The following MOSPD1 variants were observed in gnomAD, a reference collection of about 807,000 sequenced individuals.
MOSPD1 encodes the protein motile sperm domain-containing protein 1.
MOSPD1 carries 5 observed loss-of-function variants against 16.7 expected under a neutral mutation model. The observed-to-expected ratio is 0.30, with a 90% CI of 0.16 to 0.63. The LOEUF (loss-of-function observed/expected upper bound fraction) is 0.63, where lower values mean the gene tolerates loss of function less well. MOSPD1 is among the 30% of genes least tolerant of loss of function. MOSPD1 has a pLI of 0.82. For missense variants in MOSPD1, 104 were observed against 153.6 expected, an observed-to-expected ratio of 0.68 and a Z score of 1.71; for synonymous variants, 67 against 59.2, an observed-to-expected ratio of 1.13 and a Z score of -0.61.
At chrX:134,892,927 A>G (rs1361772820) in intron 4 of MOSPD1, among the ~76,000 whole-genome samples, 1 of 111,512 alleles carries the variant, frequency 9.0e-6, no homozygotes, top group East Asian at 2.8e-4. Flanking sequence ...AAATGTTATC[A>G]GACCTGCTAT....
chrX:134,899,054 C>A, intron 3 of MOSPD1, 36 bp downstream of exon 3: 1 of 1,054,455 alleles, frequency 9.5e-7, no homozygotes, highest in Non-Finnish European at 1.3e-6. Context: ...TATTAACACA[C>A]TTAAAACGTG....
intron 4 of MOSPD1, among the ~76,000 whole-genome samples, chrX:134,893,688 T>C (rs74827049): frequency 2.7e-5 from 3 of 111,343 alleles, no homozygotes; most frequent in Non-Finnish European, 3.8e-5. Context: ...ATACATACTG[T>C]TATATAACTG....
intron 1 of MOSPD1, among the ~76,000 whole-genome samples, chrX:134,905,918 A>C (rs2082939026): frequency 9.0e-6 from 1 of 111,724 alleles, no homozygotes; most frequent in Non-Finnish European, 1.9e-5. Flanking sequence ...CAAATGCTAA[A>C]CTCTTGGTTC....
intron 1 of MOSPD1, among the ~76,000 whole-genome samples, chrX:134,912,385 G>A (rs760032975): frequency 9.1e-6 from 1 of 110,393 alleles, no homozygotes; most frequent in South Asian, 4.0e-4. Flanking sequence ...GTTTTGCCAT[G>A]TTGGCCAGGC....
intron 3 of MOSPD1, among the ~76,000 whole-genome samples, chrX:134,898,382 T>C (rs1260645663): frequency 2.7e-5 from 3 of 112,197 alleles, no homozygotes; most frequent in African/African-American, 9.7e-5. Flanking sequence ...ATTTTATGGC[T>C]TTGAGCTGGT....
chrX:134,910,548 T>C (rs2082965745), intron 1 of MOSPD1, among the ~76,000 whole-genome samples: 1 of 111,884 alleles, frequency 8.9e-6, no homozygotes, highest in Admixed American at 9.6e-5. Flanking sequence ...AAAACAGATA[T>C]ACAGCAGTAA....
intron 1 of MOSPD1, among the ~76,000 whole-genome samples, chrX:134,907,694 G>A (rs2082950060): frequency 3.6e-5 from 4 of 112,415 alleles, no homozygotes; most frequent in African/African-American, 9.7e-5. Flanking sequence ...GCGAAACCCC[G>A]TCTCTACTAA....
Position 134,897,546 on chromosome X carries a change from TAAA to T in MOSPD1, c.231-515_231-513del, listed in dbSNP as rs1221758366. Among the ~76,000 whole-genome samples the T allele has an allele frequency of 6.2e-3, 360 of 57,895 alleles. 1 individual carries two copies. The highest frequency in any genetic ancestry group is 0.022 in the African/African-American group (331 of 14,742). 50.3% of individuals were successfully genotyped at this position (57,895 alleles called of 115,157 possible). A position where few individuals can be genotyped will look rare whatever the true frequency, so the allele number is the denominator to read the frequency against. Reference sequence around the variant, plus strand: ...GCAAGAGAGCAAGACTCTGTCTTATTAAAAAAAAAAAAAAAAAAAAAAGAAAGA... The same window carrying T: ...GCAAGAGAGCAAGACTCTGTCTTATTAAAAAAAAAAAAAAAAAAAGAAAGA... On this transcript the variant is annotated intron_variant, in intron 3 of 5. Transcript: ENST00000370783.
In MOSPD1 at chrX:134,899,079, T is replaced by C. The variant is rs747723561; in HGVS notation, c.230+11A>G. The C allele has an allele frequency of 9.4e-6, 11 of 1,169,160 alleles. No homozygotes were observed. Among genetic ancestry groups the C allele is most frequent in the Non-Finnish European group, 1.3e-5 (11 of 865,137 alleles). Reference sequence around the variant, plus strand: ...CTTAAAACGTGTTACCAGGAATTGATCTTGACTTACATATCCACACAACAC... The same window carrying C: ...CTTAAAACGTGTTACCAGGAATTGACCTTGACTTACATATCCACACAACAC... On this transcript the variant is annotated intron_variant, in intron 3 of 5. Transcript: ENST00000370783.
At chrX:134,901,854 TAAC>T (rs201786835) in intron 1 of MOSPD1, among the ~76,000 whole-genome samples, 2,849 of 112,030 alleles carry the variant, frequency 0.025, 95 homozygotes, top group African/African-American at 0.088. Flanking sequence ...TGAATGTAAT[TAAC>T]AACAGTGTCG....
intron 1 of MOSPD1, among the ~76,000 whole-genome samples, chrX:134,905,701 A>T (rs911107664): frequency 3.6e-5 from 4 of 112,293 alleles, no homozygotes; most frequent in Non-Finnish European, 7.5e-5. Context: ...TCCTCTAAAA[A>T]CATATTGAAA....
intron 5 of MOSPD1, among the ~76,000 whole-genome samples, chrX:134,890,826 A>G (rs1299972098): frequency 2.7e-5 from 3 of 111,511 alleles, no homozygotes; most frequent in Non-Finnish European, 5.6e-5. Flanking sequence ...ATAAATAAAT[A>G]AGAGAAAGCA....
chrX:134,896,798 A>G lies in MOSPD1; in HGVS notation c.448+19T>C. 1.7e-6 allele frequency: 2 copies of G among 1,180,936 alleles called. No homozygotes were observed. The highest frequency in any genetic ancestry group is 1.8e-5 in the South Asian group (1 of 55,875). ...ATGTGTAAGACCTCAAAAGGGCTTT[A>G]AAAACAACCCAAAACTACCTGGTTG... is the stretch of plus-strand genomic sequence containing the variant. On this transcript the variant is annotated intron_variant, in intron 4 of 5. Coordinates refer to ENST00000370783, the MANE Select transcript of MOSPD1 (RefSeq NM_019556.3).
chrX:134,897,187 A>G (rs759108828), intron 3 of MOSPD1, among the ~76,000 whole-genome samples, 153 bp from the exon 4 acceptor site: 12 of 112,054 alleles, frequency 1.1e-4, no homozygotes, highest in African/African-American at 3.9e-4. Context: ...AAATCACAGT[A>G]TAACCCAAAA....
rs764621954 is a variant in MOSPD1 at position 134,904,404 on chromosome X, C to T, written c.-101-4870G>A. Among the ~76,000 whole-genome samples, 5 of 112,178 alleles carry T rather than the reference C, an allele frequency of 4.5e-5. No homozygotes were observed. In the East Asian group the frequency reaches 1.1e-3, roughly 25 times the overall value. On this transcript the variant is annotated intron_variant, in intron 1 of 5. Coordinates refer to ENST00000370783, the MANE Select transcript of MOSPD1 (RefSeq NM_019556.3). ...CATAGCCTCAGTTCCAGAGATCGTACGTCTAGGGATTTATCTGGCATATAT... is the reference window on the plus strand; with the variant it reads ...CATAGCCTCAGTTCCAGAGATCGTATGTCTAGGGATTTATCTGGCATATAT...
chrX:134,891,774 C>A (rs1024130165), intron 4 of MOSPD1, 134 bp from the exon 5 acceptor site: 2 of 628,643 alleles, frequency 3.2e-6, no homozygotes, highest in African/African-American at 4.5e-5. Context: ...TCATTTTTTC[C>A]ATCTGAGAGT....
chrX:134,905,242 G>A (rs756141171), intron 1 of MOSPD1, among the ~76,000 whole-genome samples: 307 of 107,473 alleles, frequency 2.9e-3, no homozygotes, highest in African/African-American at 0.01. Context: ...GGTGGCGGGC[G>A]CCTGTAGTCC....
intron 1 of MOSPD1, chrX:134,899,742 A>C: frequency 1.1e-5 from 2 of 182,826 alleles, no homozygotes; most frequent in East Asian, 1.1e-4. Flanking sequence ...CAGCCTGGCT[A>C]ATGTGGTGAA....
At chrX:134,893,363 C>T (rs2082871231) in intron 4 of MOSPD1, among the ~76,000 whole-genome samples, 1 of 79,342 alleles carries the variant, frequency 1.3e-5, no homozygotes, top group South Asian at 4.8e-4. Context: ...ACGCCATTCA[C>T]TGCAAACCCA....
Sources: allele counts gnomAD v4.1 joint callset (sites outside exome capture counted in the v4.1 genomes callset), GRCh38; gene constraint gnomAD v4.1.1; transcripts MANE v1.5; gene names NCBI Gene and HGNC (gene_info 2026-07-23, HGNC 2026-07-21).